The following PNRC1 variants were observed in gnomAD, a reference collection of about 807,000 sequenced individuals.
PNRC1 encodes the protein proline-rich nuclear receptor coactivator 1.
In PNRC1, 6 loss-of-function variants were observed where a neutral mutation model predicts 20.2. The observed-to-expected ratio is 0.30, with a 90% CI of 0.16 to 0.59. The LOEUF is 0.59. Among genes scored for constraint, PNRC1 ranks in the 20% least tolerant of loss-of-function variants. PNRC1 has a pLI of 0.89. For missense variants in PNRC1, 488 were observed against 430.2 expected, an observed-to-expected ratio of 1.13 and a Z score of -1.19; for synonymous variants, 202 against 186.9, an observed-to-expected ratio of 1.08 and a Z score of -0.66.
rs1262582343 is a variant in PNRC1 at position 89,083,904 on chromosome 6, A to G, written c.692A>G (p.Asn231Ser). ...ACCAAGATCACCTCTGCAAAAAGAA[A>G]TGAAAACAACTTTTGGCAGGATTCT... ...PLTKITSAKR[N>S]ENNFWQDSVS... is the part of the protein sequence containing the mutation. Residue 231 changes from asparagine (N) to serine (S), a missense_variant, in exon 2 of 2, where the codon AAT becomes AGT. Coordinates refer to ENST00000336032, the MANE Select transcript of PNRC1 (RefSeq NM_006813.3). 5 of 1,614,068 alleles carry G rather than the reference A, an allele frequency of 3.1e-6. No individual in the cohort carries two copies. The highest frequency in any genetic ancestry group is 4.2e-6 in the Non-Finnish European group (5 of 1,180,038).
Position 89,083,865 on chromosome 6 carries a change from A to G in PNRC1, c.653A>G (p.Tyr218Cys), listed in dbSNP as rs753832371. ...AAGATAAACAGACAGAAAAGCAAAT[A>G]TAACTTGCCACTAACCAAGATCACC... ...QPKINRQKSKYNLPLTKITSA... is the reference protein window; with the variant it reads ...QPKINRQKSKCNLPLTKITSA... Residue 218 changes from tyrosine (Y) to cysteine (C), a missense_variant, in exon 2 of 2, where the codon TAT (tyrosine) becomes TGT (cysteine). By Grantham distance (194) the Tyr-to-Cys change is radical. Coordinates refer to ENST00000336032, the MANE Select transcript of PNRC1 (RefSeq NM_006813.3). 3 of 1,614,214 alleles carry G rather than the reference A, an allele frequency of 1.9e-6. No homozygotes were observed. Among genetic ancestry groups the G allele is most frequent in the East Asian group, 4.5e-5 (2 of 44,876 alleles).
intron 1 of PNRC1, among the ~76,000 whole-genome samples, chr6:89,083,103 G>C (rs990769153): frequency 6.6e-6 from 1 of 152,012 alleles, no homozygotes; most frequent in Non-Finnish European, 1.5e-5. Flanking sequence ...CCCTTCCCAG[G>C]CTGAAGGGAT....
rs1357200976 is a variant in PNRC1 at position 89,080,901 on chromosome 6, G to A, written c.7G>A (p.Val3Ile). 1.2e-6 allele frequency: 2 copies of A among 1,610,854 alleles called. No homozygotes were observed. The highest frequency in any genetic ancestry group is 1.7e-6 in the Non-Finnish European group (2 of 1,179,978). The part of the protein sequence containing the change: MT[V>I]VSVPQREPLV... ...CGACAAGCTTCCTAGCGCTATGACT[G>A]TCGTCTCCGTCCCGCAGCGGGAGCC... is the stretch of plus-strand genomic sequence containing the variant. The change falls in exon 1 of 2, where the codon GTC becomes ATC. Residue 3 changes from valine to isoleucine, a missense_variant. Val to Ile is a conservative substitution (Grantham distance 29, BLOSUM62 3). Coordinates refer to ENST00000336032, the MANE Select transcript of PNRC1 (RefSeq NM_006813.3).
chr6:89,084,270 A>C lies in PNRC1; in HGVS notation c.*74A>C. On this transcript the variant is annotated 3_prime_UTR_variant, in exon 2 of 2. Transcript: ENST00000336032. ...GGACTCTTGAGAAAATTGGTACAGA[A>C]ATGGAAATTTGCCTTGTTGCAACAT... is the stretch of plus-strand genomic sequence containing the variant. 9.4e-7 allele frequency: 1 copy of C among 1,062,766 alleles called. No homozygotes were observed. Among genetic ancestry groups the C allele is most frequent in the Non-Finnish European group, 1.3e-6 (1 of 741,990 alleles). The allele number at this position is 1,062,766 out of a possible 1,614,324, so 65.8% of individuals were successfully genotyped here.
rs1190643367 is a variant in PNRC1, at chr6:89,084,374, C to T, written c.*178C>T. On this transcript the variant is annotated 3_prime_UTR_variant, in exon 2 of 2. Coordinates refer to ENST00000336032, the MANE Select transcript of PNRC1 (RefSeq NM_006813.3). The stretch of plus-strand genomic sequence containing the variant: ...TTTATATTTTGTAAATACTGTATAC[C>T]ATGTATTATGTGTATATTGTTCATA... 1.8e-6 allele frequency: 1 copy of T among 548,902 alleles called. No individual in the cohort carries two copies. The highest frequency in any genetic ancestry group is 3.3e-6 in the Non-Finnish European group (1 of 305,974). 34.0% of individuals were successfully genotyped at this position (548,902 alleles called of 1,614,324 possible). A position where few individuals can be genotyped will look rare whatever the true frequency, so the allele number is the denominator to read the frequency against.
chr6:89,084,725 A>T lies in PNRC1; in HGVS notation c.*529A>T, dbSNP rs1276001778. 1 of 152,644 alleles carries T rather than the reference A, an allele frequency of 6.6e-6. No individual in the cohort carries two copies. The highest frequency in any genetic ancestry group is 6.5e-5 in the Admixed American group (1 of 15,286). The allele number at this position is 152,644 out of a possible 1,614,324, so 9.5% of individuals were successfully genotyped here. On this transcript the variant is annotated 3_prime_UTR_variant, in exon 2 of 2. Coordinates refer to ENST00000336032, the MANE Select transcript of PNRC1 (RefSeq NM_006813.3). ...TCCTATTCCCATTTTTGCTAAACTC[A>T]ATTTCTGGTTTTGGTATATATCCAT...
chr6:89,081,514 CG>C, intron 1 of PNRC1, 80 bp downstream of exon 1: 6 of 12,514 alleles, frequency 4.8e-4, no homozygotes, highest in East Asian at 5.3e-3. Context: ...ACCCTGCACC[CG>C]GGGGGTCGGG....
At position 89,083,866 on chromosome 6, in the gene PNRC1, T is replaced by C. The variant is rs1323696942; in HGVS notation, c.654T>C (p.Tyr218=). 10 of 1,614,020 alleles carry C rather than the reference T, an allele frequency of 6.2e-6. No homozygotes were observed. In the East Asian group the frequency reaches 8.9e-5, roughly 14 times the overall value. ...QPKINRQKSK[Y]NLPLTKITSA... ...AGATAAACAGACAGAAAAGCAAATA[T>C]AACTTGCCACTAACCAAGATCACCT... Residue 218 remains tyrosine (Y), a synonymous_variant, in exon 2 of 2, where the codon TAT becomes TAC. Transcript: ENST00000336032.
Position 89,080,856 on chromosome 6 carries a change from C to T in PNRC1, c.-39C>T, listed in dbSNP as rs1242272405. On this transcript the variant is annotated 5_prime_UTR_variant, in exon 1 of 2. Coordinates refer to ENST00000336032, the MANE Select transcript of PNRC1 (RefSeq NM_006813.3). ...CTTCACTGGCTTCATTCACCTTCTC[C>T]TTCTCTCTTCGTTGCTGAGCGACAA... 2 of 1,597,324 alleles carry T rather than the reference C, an allele frequency of 1.3e-6. No individual in the cohort carries two copies. The highest frequency in any genetic ancestry group is 1.7e-6 in the Non-Finnish European group (2 of 1,173,998).
At position 89,080,773 on chromosome 6, in the gene PNRC1, A is replaced by T; in HGVS notation, c.-122A>T. On this transcript the variant is annotated 5_prime_UTR_variant, in exon 1 of 2. Transcript: ENST00000336032. ...TTTGTTGCTGCGCCGCCACCGCCCG[A>T]GTCATGTTCCGCGATCTTCTCAGGC... 1.1e-6 allele frequency: 1 copy of T among 916,306 alleles called. No individual in the cohort carries two copies. Among genetic ancestry groups the T allele is most frequent in the South Asian group, 1.4e-5 (1 of 70,536 alleles). The allele number at this position is 916,306 out of a possible 1,614,324, so 56.8% of individuals were successfully genotyped here.
intron 1 of PNRC1, chr6:89,082,319 C>A (rs892985430): frequency 1.1e-4 from 16 of 152,176 alleles, no homozygotes; most frequent in Admixed American, 2.6e-4. Flanking sequence ...GACTTAAGTT[C>A]AATGACTTAA....
Position 89,083,785 on chromosome 6 carries a change from A to G in PNRC1, c.573A>G (p.Lys191=). 1.9e-6 allele frequency: 3 copies of G among 1,586,274 alleles called. No homozygotes were observed. The Admixed American group carries it at 5.7e-5, about 30-fold the overall frequency. The change falls in exon 2 of 2, where the codon AAA becomes AAG. Residue 191 remains lysine (K), a synonymous_variant. Transcript: ENST00000336032. The stretch of plus-strand genomic sequence containing the variant: ...AATCAAAGATGGGAAAATCGGAGAA[A>G]ATTGCCCTTCCCCATGGCCAGCTTG... ...VLKSKMGKSE[K]IALPHGQLVH...
In PNRC1 at chr6:89,081,345, C is replaced by A. The variant is rs1767984793; in HGVS notation, c.451C>A (p.Pro151Thr). ...CCCGGCCGCCGCCTTGGCCCCGAGT[C>A]CTGCAGCCGCAGCCGGCACGGAGGG... ...PGPAAALAPS[P>T]AAAAGTEGAS... The change falls in exon 1 of 2, where the codon CCT becomes ACT. Residue 151 changes from proline to threonine, a missense_variant. By Grantham distance (38) the Pro-to-Thr change is conservative. Transcript: ENST00000336032. 1.4e-6 allele frequency: 2 copies of A among 1,449,744 alleles called. No homozygotes were observed. The highest frequency in any genetic ancestry group is 1.4e-5 in the South Asian group (1 of 73,028). The allele number at this position is 1,449,744 out of a possible 1,614,324, so 89.8% of individuals were successfully genotyped here.
At position 89,084,363 on chromosome 6, in the gene PNRC1, ATACTG is replaced by A; in HGVS notation, c.*170_*174del. ...TTGTATTATATTTTATATTTTGTAA[ATACTG>A]TATACCATGTATTATGTGTATATTG... On this transcript the variant is annotated 3_prime_UTR_variant, in exon 2 of 2. Coordinates refer to ENST00000336032, the MANE Select transcript of PNRC1 (RefSeq NM_006813.3). 5 of 570,374 alleles carry A rather than the reference ATACTG, an allele frequency of 8.8e-6. No individual in the cohort carries two copies. 35.3% of individuals were successfully genotyped at this position (570,374 alleles called of 1,614,324 possible). A position where few individuals can be genotyped will look rare whatever the true frequency, so the allele number is the denominator to read the frequency against.
Position 89,083,983 on chromosome 6 carries a change from G to C in PNRC1, c.771G>C (p.Glu257Asp), listed in dbSNP as rs764218684. The change falls in exon 2 of 2, where the codon GAG becomes GAC. Residue 257 changes from glutamate (E) to aspartate (D), a missense_variant. Glu to Asp is a conservative substitution (Grantham distance 45). Coordinates refer to ENST00000336032, the MANE Select transcript of PNRC1 (RefSeq NM_006813.3). The stretch of plus-strand genomic sequence containing the variant: ...AAAAAAAGCCTTTTAAAAATACCGA[G>C]AACATTAAAAATTCGCATTTGAAGA... ...KQEKKPFKNT[E>D]NIKNSHLKKS... 1.9e-6 allele frequency: 3 copies of C among 1,613,878 alleles called. No homozygotes were observed. The highest frequency in any genetic ancestry group is 2.5e-6 in the Non-Finnish European group (3 of 1,179,944).
chr6:89,082,838 C>A (rs1353944615), intron 1 of PNRC1: 2 of 152,150 alleles, frequency 1.3e-5, no homozygotes, highest in African/African-American at 4.8e-5. Flanking sequence ...CATTAGTCTT[C>A]CTTACAGTTG....
Position 89,080,836 on chromosome 6 carries a change from C to T in PNRC1, c.-59C>T. On this transcript the variant is annotated 5_prime_UTR_variant, in exon 1 of 2. Transcript: ENST00000336032. ...ATCCATCGCCGCCACCCTATCTTCA[C>T]TGGCTTCATTCACCTTCTCCTTCTC... 1 of 1,457,178 alleles carries T rather than the reference C, an allele frequency of 6.9e-7. No individual in the cohort carries two copies. The highest frequency in any genetic ancestry group is 9.2e-7 in the Non-Finnish European group (1 of 1,090,040). The allele number at this position is 1,457,178 out of a possible 1,614,324, so 90.3% of individuals were successfully genotyped here. A position where few individuals can be genotyped will look rare whatever the true frequency, so the allele number is the denominator to read the frequency against.
chr6:89,083,550 C>T (rs145171863), intron 1 of PNRC1, among the ~76,000 whole-genome samples: 1 of 152,018 alleles, frequency 6.6e-6, no homozygotes, highest in African/African-American at 2.4e-5. Context: ...TGAGAACTTG[C>T]GATATTTGGT....
rs945758138 is a variant in PNRC1 at position 89,081,180 on chromosome 6, A to C, written c.286A>C (p.Lys96Gln). 4 of 1,585,302 alleles carry C rather than the reference A, an allele frequency of 2.5e-6. No individual in the cohort carries two copies. Among genetic ancestry groups the C allele is most frequent in the Non-Finnish European group, 2.6e-6 (3 of 1,172,470 alleles). ...AGGCACTCCTCGGGCAGCGCCGAAGAAGCGGCGAAAGAAGAAGGTGCGGGC... is the reference window on the plus strand; with the variant it reads ...AGGCACTCCTCGGGCAGCGCCGAAGCAGCGGCGAAAGAAGAAGGTGCGGGC... The part of the protein sequence containing the change: ...AGGTPRAAPK[K>Q]RRKKKVRASP... Residue 96 changes from lysine (K) to glutamine (Q), a missense_variant, in exon 1 of 2, where the codon AAG (lysine) becomes CAG (glutamine). Coordinates refer to ENST00000336032, the MANE Select transcript of PNRC1 (RefSeq NM_006813.3).
Sources: allele counts gnomAD v4.1 joint callset (sites outside exome capture counted in the v4.1 genomes callset), GRCh38; gene constraint gnomAD v4.1.1; transcripts MANE v1.5; gene names NCBI Gene and HGNC (gene_info 2026-07-23, HGNC 2026-07-21).